Variants in PACRG observed in about 807,000 individuals in gnomAD.
The protein encoded by PACRG is parkin coregulated gene protein.
Under a neutral mutation model 29.7 loss-of-function variants are expected in PACRG, and 29 were observed. That is an observed-to-expected ratio of 0.98 (90% CI 0.73 to 1.33). The LOEUF (loss-of-function observed/expected upper bound fraction) is 1.33. Ranked by LOEUF, PACRG falls within the 40% of genes most tolerant of loss-of-function variation. The pLI is 0.00. For synonymous variants in PACRG, 116 were observed against 118.7 expected (o/e 0.98, Z 0.15); for missense variants, 279 against 316.2 (o/e 0.88, Z 0.89).
At chr6:163,175,437 G>C (rs1035071003) in intron 4 of PACRG, among the ~76,000 whole-genome samples, 1 of 151,500 alleles carries the variant, frequency 6.6e-6, no homozygotes, top group Non-Finnish European at 1.5e-5. Flanking sequence ...GTGAAGGCTG[G>C]GGGGAGTGGT....
Position 163,017,813 on chromosome 6 carries a change from C to T in PACRG, c.292-44337C>T, listed in dbSNP as rs892991577. 1.4e-4 allele frequency among the ~76,000 whole-genome samples: 21 copies of T among 152,068 alleles called. 1 individual carries two copies. Among genetic ancestry groups the T allele is most frequent in the Non-Finnish European group, 2.6e-4 (18 of 67,976 alleles). On this transcript the variant is annotated intron_variant, in intron 2 of 4. Coordinates refer to ENST00000366888, the MANE Select transcript of PACRG (RefSeq NM_001080379.2). Reference sequence around the variant, plus strand: ...TTACATTTTTACATTTTATCTTTTTCTATTCAACCTAATAAATATTTTATT... The same window carrying T: ...TTACATTTTTACATTTTATCTTTTTTTATTCAACCTAATAAATATTTTATT...
At chr6:162,976,122 C>T (rs1186851117) in intron 2 of PACRG, among the ~76,000 whole-genome samples, 3 of 152,038 alleles carry the variant, frequency 2.0e-5, no homozygotes, top group African/African-American at 7.3e-5. Flanking sequence ...ACCCGGAGGC[C>T]GTGAGTAGTG....
intron 3 of PACRG, among the ~76,000 whole-genome samples, chr6:163,069,628 G>T (rs367585456): frequency 2.5e-4 from 30 of 119,564 alleles, no homozygotes; most frequent in African/African-American, 1.3e-3. Context: ...AAAGAAAAAA[G>T]AATATAAAAT....
chr6:163,054,430 GA>G (rs1001022966), intron 2 of PACRG, among the ~76,000 whole-genome samples: 82 of 152,276 alleles, frequency 5.4e-4, no homozygotes, highest in African/African-American at 1.9e-3. Context: ...CCAGCCTCCA[GA>G]ACTGTGGGAA....
chr6:162,764,546 A>G (rs964307272), intron 1 of PACRG, among the ~76,000 whole-genome samples: 13 of 152,144 alleles, frequency 8.5e-5, no homozygotes, highest in African/African-American at 2.9e-4. Context: ...TAAATTACCC[A>G]TGTCCATATT....
chr6:162,764,052 G>T (rs1782587925), intron 1 of PACRG, among the ~76,000 whole-genome samples: 1 of 152,162 alleles, frequency 6.6e-6, no homozygotes, highest in African/African-American at 2.4e-5. Context: ...GATGTGGGCA[G>T]ATCACGAGGT....
chr6:162,838,869 T>C (rs1584501765), intron 2 of PACRG, among the ~76,000 whole-genome samples: 1 of 149,742 alleles, frequency 6.7e-6, no homozygotes, highest in Non-Finnish European at 1.5e-5. Context: ...TGCGATAGTT[T>C]ACTGAGAATG....
chr6:162,953,037 G>T (rs1799767598), intron 2 of PACRG, among the ~76,000 whole-genome samples: 1 of 152,096 alleles, frequency 6.6e-6, no homozygotes, highest in African/African-American at 2.4e-5. Flanking sequence ...AAAATTCATT[G>T]CATTTATCTA....
chr6:163,236,674 C>T (rs958488677), intron 4 of PACRG, among the ~76,000 whole-genome samples: 3 of 152,206 alleles, frequency 2.0e-5, no homozygotes, highest in Non-Finnish European at 2.9e-5. Flanking sequence ...GACTGTGCCG[C>T]TGTACCAAGA....
At chr6:162,824,328 G>A (rs1788097127) in intron 2 of PACRG, among the ~76,000 whole-genome samples, 1 of 152,136 alleles carries the variant, frequency 6.6e-6, no homozygotes, top group South Asian at 2.1e-4. Flanking sequence ...GGCCAGGAAG[G>A]GGGATCAGAA....
At chr6:163,151,116 A>T (rs6455867) in intron 4 of PACRG, among the ~76,000 whole-genome samples, 2 of 152,056 alleles carry the variant, frequency 1.3e-5, no homozygotes, top group African/African-American at 4.8e-5. Context: ...TTGCTTTAAC[A>T]TGACTGCAAT....
At chr6:162,747,367 CAT>C (rs71008107) in intron 1 of PACRG, among the ~76,000 whole-genome samples, 2,985 of 47,708 alleles carry the variant, frequency 0.063, 297 homozygotes, top group Non-Finnish European at 0.08. Flanking sequence ...TATATATACA[CAT>C]ACATATATAT....
chr6:162,972,875 A>G (rs1801646682), intron 2 of PACRG, among the ~76,000 whole-genome samples: 1 of 152,192 alleles, frequency 6.6e-6, no homozygotes, highest in Non-Finnish European at 1.5e-5. Flanking sequence ...AAAAAATGAT[A>G]TCTTCTATAA....
At chr6:162,884,573 A>G (rs1326937203) in intron 2 of PACRG, among the ~76,000 whole-genome samples, 2 of 152,218 alleles carry the variant, frequency 1.3e-5, no homozygotes, top group African/African-American at 4.8e-5. Flanking sequence ...TTATTTCCTA[A>G]CAAATTTTTT....
chr6:163,067,124 G>GA (rs1811615004), intron 3 of PACRG, among the ~76,000 whole-genome samples: 1 of 152,214 alleles, frequency 6.6e-6, no homozygotes, highest in South Asian at 2.1e-4. Context: ...CAACCCAAGT[G>GA]AACAGCCTTC....
At chr6:163,164,401 A>G (rs1778702604) in intron 4 of PACRG, among the ~76,000 whole-genome samples, 1 of 152,158 alleles carries the variant, frequency 6.6e-6, no homozygotes, top group South Asian at 2.1e-4. Context: ...CCCAGTTCAC[A>G]CTGCCAAAGT....
chr6:162,947,658 A>G (rs573324981), intron 2 of PACRG, among the ~76,000 whole-genome samples: 1 of 118,700 alleles, frequency 8.4e-6, no homozygotes, highest in Non-Finnish European at 1.7e-5. Context: ...ACACCCAAAG[A>G]TTCCACCAAA....
At chr6:162,738,507 A>C (rs1780336553) in intron 1 of PACRG, among the ~76,000 whole-genome samples, 1 of 152,098 alleles carries the variant, frequency 6.6e-6, no homozygotes, top group African/African-American at 2.4e-5. Flanking sequence ...CATAGATTAT[A>C]CCTGTTTGCT....
At position 162,756,420 on chromosome 6, in the gene PACRG, T is replaced by C. The variant is rs191924986; in HGVS notation, c.156+28029T>C. 4.2e-3 allele frequency among the ~76,000 whole-genome samples: 636 copies of C among 152,330 alleles called. 1 individual carries two copies. Among genetic ancestry groups the C allele is most frequent in the African/African-American group, 0.015 (605 of 41,582 alleles). On this transcript the variant is annotated intron_variant, in intron 1 of 4. Coordinates refer to ENST00000366888, the MANE Select transcript of PACRG (RefSeq NM_001080379.2). Reference sequence around the variant, plus strand: ...ATCTTCTCGTCCCTTTTAATAATTTTTTTTACTTAACGTCTACTTTGTGTG... The same window carrying C: ...ATCTTCTCGTCCCTTTTAATAATTTCTTTTACTTAACGTCTACTTTGTGTG...
Sources: allele counts gnomAD v4.1 joint callset (sites outside exome capture counted in the v4.1 genomes callset), GRCh38; gene constraint gnomAD v4.1.1; transcripts MANE v1.5; gene names NCBI Gene and HGNC (gene_info 2026-07-23, HGNC 2026-07-21).